MYH15: variants seen among roughly 807,000 people sequenced by gnomAD.
MYH15 encodes myosin-15.
MYH15 carries 227 observed loss-of-function variants against 240.5 expected under a neutral mutation model. That is an observed-to-expected ratio of 0.94 (90% confidence interval 0.85 to 1.05). The LOEUF is 1.05. MYH15 is among the 50% of genes least tolerant of loss of function. The pLI is 0.00. For missense variants in MYH15, 2,217 were observed against 2,247.5 expected (o/e 0.99, Z 0.27); for synonymous variants, 785 against 796.7 (o/e 0.99, Z 0.25).
In MYH15 at chr3:108,493,166, G is replaced by C; in HGVS notation, c.723C>G (p.Ile241Met). ...TGCCTCTGGCACCAAAGTGCATCCT[G>C]ATGAATTTGCCCTAGTGTGGACACA... ...NDNSSRFGKF[I>M]RMHFGARGML... is the part of the protein sequence containing the mutation. The change falls in exon 8 of 41, where the codon ATC (isoleucine) becomes ATG (methionine). Residue 241 changes from isoleucine (I) to methionine (M), a missense_variant. Coordinates refer to ENST00000693548, the MANE Select transcript of MYH15 (RefSeq NM_014981.3). The C allele has an allele frequency of 6.2e-7, 1 of 1,614,096 alleles. No individual in the cohort carries two copies. The highest frequency in any genetic ancestry group is 8.5e-7 in the Non-Finnish European group (1 of 1,179,956).
At chr3:108,437,790 G>GAAAA (rs2107566480) in intron 24 of MYH15, 91 bp from the exon 25 acceptor site, 1 of 1,364,156 alleles carries the variant, frequency 7.3e-7, no homozygotes, top group Non-Finnish European at 9.8e-7. Context: ...TCTGGAAAAA[G>GAAAA]AAAGACACAA....
At chr3:108,468,749 G>A (rs911935379) in intron 14 of MYH15, among the ~76,000 whole-genome samples, 3 of 152,202 alleles carry the variant, frequency 2.0e-5, no homozygotes, top group African/African-American at 7.2e-5. Context: ...CTAAAAATCA[G>A]TAACATTCAC....
intron 21 of MYH15, among the ~76,000 whole-genome samples, chr3:108,451,262 C>T (rs2082971413): frequency 6.6e-6 from 1 of 152,150 alleles, no homozygotes; most frequent in Admixed American, 6.5e-5. Context: ...CGCCTGTAAT[C>T]CCAGCTGCTC....
chr3:108,450,997 CA>C (rs889501870), intron 21 of MYH15, among the ~76,000 whole-genome samples: 3 of 151,526 alleles, frequency 2.0e-5, no homozygotes, highest in African/African-American at 7.3e-5. Flanking sequence ...AGAGAAGCCA[CA>C]AAAAAATACT....
At chr3:108,431,360 A>T (rs1483768614) in intron 25 of MYH15, among the ~76,000 whole-genome samples, 1 of 152,192 alleles carries the variant, frequency 6.6e-6, no homozygotes, top group Non-Finnish European at 1.5e-5. Context: ...GAGGTAATTG[A>T]ATCATGGGGG....
chr3:108,523,939 T>C (rs745779193), intron 1 of MYH15, among the ~76,000 whole-genome samples: 6 of 151,994 alleles, frequency 3.9e-5, no homozygotes, highest in Non-Finnish European at 7.4e-5. Context: ...ATACCATATG[T>C]ATCATAATTT....
chr3:108,542,160 GA>G, the MYH15 span, among the ~76,000 whole-genome samples: 1 of 152,074 alleles, frequency 6.6e-6, no homozygotes, highest in African/African-American at 2.4e-5. Flanking sequence ...TCACACGGAA[GA>G]TAGTTCCGTG....
At chr3:108,499,238 G>T (rs536873118) in intron 5 of MYH15, among the ~76,000 whole-genome samples, 1 of 152,184 alleles carries the variant, frequency 6.6e-6, no homozygotes, top group Admixed American at 6.5e-5. Flanking sequence ...CTCTGAAAAT[G>T]AGGGAGGCAG....
At chr3:108,428,453 A>C (rs1475915805) in intron 27 of MYH15, 39 bp downstream of exon 27, 1 of 1,559,172 alleles carries the variant, frequency 6.4e-7, no homozygotes, top group Non-Finnish European at 8.7e-7. Flanking sequence ...CCCTACTTCC[A>C]TGTTCAGAAG....
In MYH15 at chr3:108,496,796, C is replaced by G. The variant is rs146352856; in HGVS notation, c.619-924G>C. Among the ~76,000 whole-genome samples, 713 of 135,506 alleles carry G rather than the reference C, an allele frequency of 5.3e-3. 1 individual carries two copies. Among genetic ancestry groups the G allele is most frequent in the Non-Finnish European group, 7.6e-3 (463 of 60,776 alleles). 88.9% of individuals were successfully genotyped at this position (135,506 alleles called of 152,430 possible). A position where few individuals can be genotyped will look rare whatever the true frequency, so the allele number is the denominator to read the frequency against. On this transcript the variant is annotated intron_variant, in intron 6 of 40. Transcript: ENST00000693548. Reference sequence around the variant, plus strand: ...AATGGCTAGACCAAACCATTTAATGCGCACCAAAAAAAAAAAAAAACCACA... The same window carrying G: ...AATGGCTAGACCAAACCATTTAATGGGCACCAAAAAAAAAAAAAAACCACA...
rs1230048689 is a variant in MYH15, at chr3:108,498,099, G to A, written c.571C>T (p.Gln191Ter). 6.2e-7 allele frequency: 1 copy of A among 1,613,794 alleles called. No homozygotes were observed. The highest frequency in any genetic ancestry group is 2.2e-5 in the East Asian group (1 of 44,880). ...GKTVNSKHII[Q>*]YFATIAAMIE... ...ATGGCTGCTATGGTGGCAAAATACTGGATAATATGTTTGCTGTTCACAGTC... is the reference window on the plus strand; with the variant it reads ...ATGGCTGCTATGGTGGCAAAATACTAGATAATATGTTTGCTGTTCACAGTC... Residue 191 changes from glutamine (Q) to a stop codon, truncating the protein, a stop_gained, in exon 6 of 41, where the codon CAG becomes TAG. Transcript: ENST00000693548. LOFTEE classifies it high-confidence loss of function.
At chr3:108,437,783 G>A (rs954669186) in intron 24 of MYH15, 84 bp from the exon 25 acceptor site, 9 of 892,764 alleles carry the variant, frequency 1.0e-5, no homozygotes, top group South Asian at 2.6e-5. Flanking sequence ...CTTACCTTCT[G>A]GAAAAAGAAA....
At chr3:108,500,086 T>G in intron 4 of MYH15, 32 bp downstream of exon 4, 1 of 1,603,182 alleles carries the variant, frequency 6.2e-7, no homozygotes, top group Non-Finnish European at 8.5e-7. Flanking sequence ...ATCAGATATT[T>G]TTACTTTTCA....
chr3:108,456,751 A>G lies in MYH15; in HGVS notation c.2138+15T>C. On this transcript the variant is annotated intron_variant, in intron 19 of 40. Transcript: ENST00000693548. ...AACTGCCTCAGGCTTCTTGGATCCT[A>G]GAATGTAGGTTTACCTTTGTTTAAA... 6.4e-7 allele frequency: 1 copy of G among 1,574,218 alleles called. No homozygotes were observed. The highest frequency in any genetic ancestry group is 8.7e-7 in the Non-Finnish European group (1 of 1,144,178).
intron 25 of MYH15, 82 bp from the exon 26 acceptor site, chr3:108,431,004 C>A: frequency 4.2e-6 from 4 of 945,668 alleles, no homozygotes; most frequent in Non-Finnish European, 6.5e-6. Flanking sequence ...ATATTCCTAA[C>A]ACAAAGAAAA....
At chr3:108,498,254 A>G in intron 5 of MYH15, 109 bp from the exon 6 acceptor site, 1 of 899,638 alleles carries the variant, frequency 1.1e-6, no homozygotes, top group Non-Finnish European at 1.8e-6. Flanking sequence ...GCTTTTACAT[A>G]AAAGTAGAGC....
chr3:108,529,233 A>AT, intron 1 of MYH15: 1 of 1,595,256 alleles, frequency 6.3e-7, no homozygotes, highest in Non-Finnish European at 8.6e-7. Context: ...CTGTTAGACA[A>AT]ATTAAAACAT....
chr3:108,490,932 G>A (rs537463208), intron 9 of MYH15, among the ~76,000 whole-genome samples: 1 of 151,488 alleles, frequency 6.6e-6, no homozygotes, highest in East Asian at 1.9e-4. Context: ...CTGTTGCCCA[G>A]GCTAAAGTGC....
At chr3:108,545,265 C>T in the MYH15 span, among the ~76,000 whole-genome samples, 1 of 152,110 alleles carries the variant, frequency 6.6e-6, no homozygotes, top group African/African-American at 2.4e-5. Flanking sequence ...GATTTAACCC[C>T]TAATCTCTCC....
Sources: gnomAD v4.1 joint callset for allele counts (sites outside exome capture counted in the v4.1 genomes callset) on GRCh38, gnomAD v4.1.1 for gene constraint, MANE v1.5 for transcripts, NCBI Gene and HGNC (gene_info 2026-07-23, HGNC 2026-07-21) for gene names.